The following FNDC3B variants were observed in gnomAD, a reference collection of about 807,000 sequenced individuals.
The protein encoded by FNDC3B is fibronectin type III domain containing 3B, also known as fibronectin type III domain-containing protein 3B.
FNDC3B carries 12 observed loss-of-function variants against 151.5 expected under a neutral mutation model. That is an observed-to-expected ratio of 0.08 (90% CI 0.05 to 0.13). The LOEUF (loss-of-function observed/expected upper bound fraction) is 0.13. Among genes scored for constraint, FNDC3B ranks in the 10% least tolerant of loss-of-function variants. FNDC3B has a pLI of 1.00. For missense variants in FNDC3B, 1,214 were observed against 1,505.3 expected, an observed-to-expected ratio of 0.81 and a Z score of 3.20; for synonymous variants, 528 against 549.0, an observed-to-expected ratio of 0.96 and a Z score of 0.54.
intron 23 of FNDC3B, among the ~76,000 whole-genome samples, chr3:172,369,194 CTCATTTACTAAAAACAAAAAT>C (rs1297178751): frequency 1.4e-4 from 22 of 152,204 alleles, no homozygotes; most frequent in African/African-American, 5.3e-4. Context: ...AGTTTTACCT[CTCATTTACTAAAAACAAAAAT>C]AACAGAATGG....
At chr3:172,150,932 CAA>C (rs769783917) in intron 3 of FNDC3B, among the ~76,000 whole-genome samples, 4 of 151,978 alleles carry the variant, frequency 2.6e-5, no homozygotes, top group Admixed American at 1.3e-4. Context: ...TAAAAAATAA[CAA>C]ATCTACATAG....
Position 172,108,329 on chromosome 3 carries a change from C to T in FNDC3B, c.-28-4123C>T, listed in dbSNP as rs1366145588. On this transcript the variant is annotated intron_variant, in intron 1 of 25. Coordinates refer to ENST00000415807, the MANE Select transcript of FNDC3B (RefSeq NM_022763.4). ...AGAAAAAAGCTGTGGCCAGCCTGCT[C>T]TTTAATGAAGAACATGTGTAATTTC... Among the ~76,000 whole-genome samples, 5 of 152,220 alleles carry T rather than the reference C, an allele frequency of 3.3e-5. No homozygotes were observed. In the East Asian group the frequency reaches 9.6e-4, roughly 29 times the overall value.
intron 4 of FNDC3B, among the ~76,000 whole-genome samples, chr3:172,240,587 C>G (rs1437575827): frequency 6.6e-6 from 1 of 152,130 alleles, no homozygotes; most frequent in African/African-American, 2.4e-5. Flanking sequence ...ATAATGAAAA[C>G]TTTGATGTAC....
At chr3:172,365,932 TA>T (rs1470288350) in intron 23 of FNDC3B, among the ~76,000 whole-genome samples, 1 of 152,208 alleles carries the variant, frequency 6.6e-6, no homozygotes, top group East Asian at 1.9e-4. Context: ...ATTCATTAAA[TA>T]AAGGGGTTAA....
chr3:172,386,538 C>T (rs1434945587), intron 25 of FNDC3B, among the ~76,000 whole-genome samples: 2 of 152,040 alleles, frequency 1.3e-5, no homozygotes, highest in African/African-American at 4.8e-5. Flanking sequence ...GTCAGGAGAT[C>T]GAGACCATCC....
At chr3:172,255,455 A>T (rs1728285041) in intron 6 of FNDC3B, among the ~76,000 whole-genome samples, 1 of 152,156 alleles carries the variant, frequency 6.6e-6, no homozygotes, top group African/African-American at 2.4e-5. Context: ...TTTTTAGTAG[A>T]GATGGCGTTT....
chr3:172,041,254 G>T (rs1345500671), intron 1 of FNDC3B, among the ~76,000 whole-genome samples: 1 of 152,150 alleles, frequency 6.6e-6, no homozygotes, highest in East Asian at 1.9e-4. Context: ...CTGATTGCTT[G>T]TCTGTTTATT....
chr3:172,351,739 G>A (rs574169506), intron 21 of FNDC3B, among the ~76,000 whole-genome samples: 6 of 152,164 alleles, frequency 3.9e-5, no homozygotes, highest in Non-Finnish European at 8.8e-5. Flanking sequence ...CTGATGGCCT[G>A]GAGAGGGGTA....
In FNDC3B at chr3:172,399,918, AC is replaced by A. The variant is rs1736492945; in HGVS notation, c.*2445del. On this transcript the variant is annotated 3_prime_UTR_variant, in exon 26 of 26. Transcript: ENST00000415807. ...CTTGAGATTTTCATACTATCATTTAACCACCAGGAAGCTGAAGTGTGTGAAG... is the reference window on the plus strand; with the variant it reads ...CTTGAGATTTTCATACTATCATTTAACACCAGGAAGCTGAAGTGTGTGAAG... 6.5e-6 allele frequency: 1 copy of A among 152,756 alleles called. No homozygotes were observed. Among genetic ancestry groups the A allele is most frequent in the Admixed American group, 6.5e-5 (1 of 15,302 alleles). The allele number at this position is 152,756 out of a possible 1,614,324, so 9.5% of individuals were successfully genotyped here. A position where few individuals can be genotyped will look rare whatever the true frequency, so the allele number is the denominator to read the frequency against.
chr3:172,210,801 C>T (rs546166306), intron 3 of FNDC3B, among the ~76,000 whole-genome samples: 3 of 152,298 alleles, frequency 2.0e-5, no homozygotes, highest in South Asian at 4.1e-4. Flanking sequence ...ATTCTTTTTT[C>T]TGGCTCAAGT....
rs147894245 is a variant in FNDC3B, at chr3:172,369,124, G to C, written c.3008+6279G>C. Among the ~76,000 whole-genome samples, 5 of 152,326 alleles carry C rather than the reference G, an allele frequency of 3.3e-5. No individual in the cohort carries two copies. The South Asian group carries it at 8.3e-4, about 25-fold the overall frequency. On this transcript the variant is annotated intron_variant, in intron 23 of 25. Transcript: ENST00000415807. ...AAAATATCCAGGCACAGACAGAGGT[G>C]AGAGGTGGCAAATGAACTATTTGAG...
chr3:172,358,168 C>T (rs1388058215), intron 22 of FNDC3B, among the ~76,000 whole-genome samples: 2 of 152,186 alleles, frequency 1.3e-5, no homozygotes, highest in African/African-American at 2.4e-5. Flanking sequence ...GCTGCAGTTT[C>T]TTCAGTTGTA....
At chr3:172,211,608 G>A (rs1032530232) in intron 3 of FNDC3B, among the ~76,000 whole-genome samples, 1 of 152,146 alleles carries the variant, frequency 6.6e-6, no homozygotes, top group Non-Finnish European at 1.5e-5. Context: ...AGAAGAGGAG[G>A]GCTGATGGGA....
At chr3:172,219,070 T>C (rs974173841) in intron 3 of FNDC3B, among the ~76,000 whole-genome samples, 1 of 152,218 alleles carries the variant, frequency 6.6e-6, no homozygotes, top group African/African-American at 2.4e-5. Context: ...CTGGTCAGCT[T>C]GCTTCTGGGC....
intron 1 of FNDC3B, among the ~76,000 whole-genome samples, chr3:172,105,348 C>T (rs1719590062): frequency 6.6e-6 from 1 of 151,970 alleles, no homozygotes; most frequent in South Asian, 2.1e-4. Flanking sequence ...AAATGTTTGT[C>T]ATAATAAATT....
intron 25 of FNDC3B, among the ~76,000 whole-genome samples, chr3:172,386,688 C>T (rs1413367953): frequency 1.3e-5 from 2 of 150,038 alleles, no homozygotes; most frequent in African/African-American, 4.9e-5. Flanking sequence ...TTGCAGTGAG[C>T]CGAGATCGTG....
intron 1 of FNDC3B, among the ~76,000 whole-genome samples, chr3:172,045,062 G>T (rs998454760): frequency 2.0e-5 from 3 of 152,222 alleles, no homozygotes; most frequent in African/African-American, 7.2e-5. Context: ...TAATGAGTCA[G>T]TGTATTGAGA....
intron 23 of FNDC3B, among the ~76,000 whole-genome samples, chr3:172,370,053 C>T (rs1378912940): frequency 1.3e-5 from 2 of 151,992 alleles, no homozygotes; most frequent in African/African-American, 4.8e-5. Context: ...CCATTTGCAG[C>T]CTTTAGTAGA....
chr3:172,146,626 C>T (rs531152416), intron 3 of FNDC3B, among the ~76,000 whole-genome samples: 2 of 152,178 alleles, frequency 1.3e-5, no homozygotes, highest in African/African-American at 4.8e-5. Flanking sequence ...TGCTTTCCCA[C>T]GTACATTTCA....
Sources: gnomAD v4.1 joint callset for allele counts (sites outside exome capture counted in the v4.1 genomes callset) on GRCh38, gnomAD v4.1.1 for gene constraint, MANE v1.5 for transcripts, NCBI Gene and HGNC (gene_info 2026-07-23, HGNC 2026-07-21) for gene names.